Variants in ARID4B observed in about 807,000 individuals in gnomAD.
ARID4B encodes the protein AT-rich interactive domain-containing protein 4B.
Under a neutral mutation model 147.5 loss-of-function variants are expected in ARID4B, and 26 were observed. The observed-to-expected ratio is 0.18, with a 90% CI of 0.13 to 0.24. ARID4B has a LOEUF of 0.24. ARID4B is among the 10% of genes least tolerant of loss of function. The pLI is 1.00. For missense variants in ARID4B, 1,179 were observed against 1,511.5 expected (o/e 0.78, Z 3.65); for synonymous variants, 512 against 507.9 (o/e 1.01, Z -0.11).
chr1:235,262,713 T>G (rs576027396), intron 2 of ARID4B, among the ~76,000 whole-genome samples: 2 of 152,250 alleles, frequency 1.3e-5, no homozygotes, highest in South Asian at 4.1e-4. Context: ...CTCACACCTG[T>G]AATCCCAGCA....
At chr1:235,270,672 A>C (rs1158911524) in intron 2 of ARID4B, among the ~76,000 whole-genome samples, 5 of 152,230 alleles carry the variant, frequency 3.3e-5, no homozygotes, top group Non-Finnish European at 7.3e-5. Context: ...AACTATACTT[A>C]AGGCACTGTT....
At chr1:235,302,952 G>T (rs1453677398) in intron 2 of ARID4B, among the ~76,000 whole-genome samples, 1 of 148,756 alleles carries the variant, frequency 6.7e-6, no homozygotes, top group Non-Finnish European at 1.5e-5. Flanking sequence ...TTGAGACGGA[G>T]TCTCGCTCTG....
intron 17 of ARID4B, among the ~76,000 whole-genome samples, chr1:235,207,083 AAC>A (rs1000804588): frequency 2.3e-4 from 35 of 152,208 alleles, no homozygotes; most frequent in African/African-American, 8.0e-4. Context: ...TAAAGATGAA[AAC>A]ACAGAGAATG....
intron 17 of ARID4B, among the ~76,000 whole-genome samples, chr1:235,198,357 A>C (rs1665644932): frequency 6.6e-6 from 1 of 152,204 alleles, no homozygotes; most frequent in Admixed American, 6.5e-5. Context: ...GATATTGCAC[A>C]TTTGTATATT....
intron 23 of ARID4B, 45 bp from the exon 24 acceptor site, chr1:235,168,697 G>T: frequency 1.3e-6 from 2 of 1,584,370 alleles, no homozygotes; most frequent in Non-Finnish European, 1.7e-6. Flanking sequence ...AAAAATTTAT[G>T]TCTAACAATA....
chr1:235,255,220 T>TATATATATATATAGAG (rs1264196304), intron 5 of ARID4B, among the ~76,000 whole-genome samples: 2 of 62,348 alleles, frequency 3.2e-5, no homozygotes, highest in Admixed American at 1.8e-4. Context: ...TGCTGGGAGC[T>TATATATATATATAGAG]AGATAGATAG....
rs188312282 is a variant in ARID4B at position 235,242,612 on chromosome 1, C to T, written c.447-2161G>A. Among the ~76,000 whole-genome samples, 353 of 152,242 alleles carry T rather than the reference C, an allele frequency of 2.3e-3. 1 individual carries two copies. The highest frequency in any genetic ancestry group is 4.0e-3 in the Non-Finnish European group (274 of 68,020). ...CTACAATGTCAGAGATAACACATAT[C>T]AAAATCTGTACAACATAGAGAAAAT... On this transcript the variant is annotated intron_variant, in intron 7 of 23. Transcript: ENST00000264183.
chr1:235,274,552 A>T (rs1382555436), intron 2 of ARID4B, among the ~76,000 whole-genome samples: 1 of 152,198 alleles, frequency 6.6e-6, no homozygotes, highest in Non-Finnish European at 1.5e-5. Flanking sequence ...ACAATAATAA[A>T]GTATATACCT....
chr1:235,267,577 A>AC (rs1670683644), intron 2 of ARID4B, among the ~76,000 whole-genome samples: 1 of 152,126 alleles, frequency 6.6e-6, no homozygotes, highest in South Asian at 2.1e-4. Flanking sequence ...TCACGCCTGT[A>AC]ATCCCAGCAC....
chr1:235,284,911 T>TATA (rs71172285), intron 2 of ARID4B, among the ~76,000 whole-genome samples: 17 of 150,158 alleles, frequency 1.1e-4, no homozygotes, highest in African/African-American at 3.7e-4. Flanking sequence ...TATATATATA[T>TATA]TTTTTTTTTG....
chr1:235,298,522 T>C (rs1229431793), intron 2 of ARID4B, among the ~76,000 whole-genome samples: 1 of 148,484 alleles, frequency 6.7e-6, no homozygotes, highest in African/African-American at 2.4e-5. Flanking sequence ...ATATAACGTA[T>C]ATTTATATAT....
rs34808765 is a variant in ARID4B, at chr1:235,176,437, CAAAAAAAAAAAAAAAAAAAA to C, written c.3449-1058_3449-1039del. ...CTGATTTTTCACTTAACAACATCAC[CAAAAAAAAAAAAAAAAAAAA>C]AAAAAAAAAAAGGAGTTAAACTCTC... On this transcript the variant is annotated intron_variant, in intron 21 of 23. Transcript: ENST00000264183. 4.3e-3 allele frequency among the ~76,000 whole-genome samples: 98 copies of C among 22,548 alleles called. 2 individuals are homozygous for C. The highest frequency in any genetic ancestry group is 9.1e-3 in the African/African-American group (92 of 10,088). 14.8% of individuals were successfully genotyped at this position (22,548 alleles called of 152,430 possible).
intron 3 of ARID4B, among the ~76,000 whole-genome samples, chr1:235,260,129 T>C (rs1263652854): frequency 1.3e-5 from 2 of 152,240 alleles, no homozygotes; most frequent in African/African-American, 4.8e-5. Flanking sequence ...GAAAGATGTT[T>C]CAAGAAAGGC....
intron 17 of ARID4B, among the ~76,000 whole-genome samples, chr1:235,198,966 G>A (rs151022154): frequency 1.2e-3 from 188 of 152,262 alleles, no homozygotes; most frequent in African/African-American, 4.4e-3. Context: ...AGGCATGATG[G>A]CGCATGCCTG....
intron 19 of ARID4B, 77 bp from the exon 20 acceptor site, chr1:235,182,870 A>G: frequency 7.0e-7 from 1 of 1,425,562 alleles, no homozygotes; most frequent in Non-Finnish European, 9.4e-7. Flanking sequence ...GGGACTGTAT[A>G]TATTAGGTCC....
chr1:235,284,730 G>A (rs1161283787), intron 2 of ARID4B, among the ~76,000 whole-genome samples: 1 of 152,004 alleles, frequency 6.6e-6, no homozygotes, highest in Non-Finnish European at 1.5e-5. Context: ...ATGACATTAT[G>A]AGAAAATAAA....
rs4336841 is a variant in ARID4B, at chr1:235,315,901, G to A, written c.6+11013C>T. 9.2e-4 allele frequency among the ~76,000 whole-genome samples: 140 copies of A among 152,222 alleles called. 1 individual carries two copies. The highest frequency in any genetic ancestry group is 3.4e-3 in the African/African-American group (140 of 41,532). ...AATAGTTTCATAAATAATATCCAATGTGCCATGGTGGTGTGCACTTACAGT... is the reference window on the plus strand; with the variant it reads ...AATAGTTTCATAAATAATATCCAATATGCCATGGTGGTGTGCACTTACAGT... On this transcript the variant is annotated intron_variant, in intron 2 of 23. Coordinates refer to ENST00000264183, the MANE Select transcript of ARID4B (RefSeq NM_016374.6).
At chr1:235,171,431 T>A (rs185645710) in intron 23 of ARID4B, among the ~76,000 whole-genome samples, 1 of 151,618 alleles carries the variant, frequency 6.6e-6, no homozygotes, top group African/African-American at 2.4e-5. Context: ...AAACTCCATC[T>A]CCAAAAAAAA....
intron 17 of ARID4B, among the ~76,000 whole-genome samples, chr1:235,202,688 T>A (rs898851193): frequency 1.3e-5 from 2 of 151,992 alleles, no homozygotes; most frequent in African/African-American, 4.8e-5. Context: ...TAGCTGGGAT[T>A]ACAGGTGTGT....
Sources: allele counts gnomAD v4.1 joint callset (sites outside exome capture counted in the v4.1 genomes callset), GRCh38; gene constraint gnomAD v4.1.1; transcripts MANE v1.5; gene names NCBI Gene and HGNC (gene_info 2026-07-23, HGNC 2026-07-21).